KIF16B: variants seen among roughly 807,000 people sequenced by gnomAD.
KIF16B encodes the protein kinesin family member 16B.
In KIF16B, 98 loss-of-function variants were observed where a neutral mutation model predicts 156.3. That is an observed-to-expected ratio of 0.63 (90% CI 0.53 to 0.74). The LOEUF (loss-of-function observed/expected upper bound fraction) is 0.74. KIF16B is among the 30% of genes least tolerant of loss of function. The pLI is 0.00. For synonymous variants in KIF16B, 564 were observed against 583.7 expected (o/e 0.97, Z 0.49); for missense variants, 1,421 against 1,606.5 (o/e 0.88, Z 1.97).
rs1174715066 is a variant in KIF16B at position 16,411,222 on chromosome 20, CA to C, written c.1613-4767del. Among the ~76,000 whole-genome samples, 13 of 152,252 alleles carry C rather than the reference CA, an allele frequency of 8.5e-5. No homozygotes were observed. In the East Asian group the frequency reaches 2.5e-3, roughly 29 times the overall value. On this transcript the variant is annotated intron_variant, in intron 15 of 25. Coordinates refer to ENST00000354981, the MANE Select transcript of KIF16B (RefSeq NM_024704.5). ...TCATGATCAGCTTCCCATTAAGTGG[CA>C]AGTATTCACTGTGACACTGATGGGA...
intron 1 of KIF16B, among the ~76,000 whole-genome samples, chr20:16,553,905 G>A (rs1007498708): frequency 6.6e-6 from 1 of 152,212 alleles, no homozygotes; most frequent in Admixed American, 6.5e-5. Flanking sequence ...CCAGCCAGGT[G>A]TGCGCACACT....
chr20:16,304,824 T>C (rs1478965142), intron 25 of KIF16B, among the ~76,000 whole-genome samples: 1 of 152,190 alleles, frequency 6.6e-6, no homozygotes, highest in Non-Finnish European at 1.5e-5. Flanking sequence ...TAAAAATGTC[T>C]AAACCAAATA....
chr20:16,378,779 G>A (rs375817906), intron 19 of KIF16B, 26 bp downstream of exon 19: 157 of 1,564,756 alleles, frequency 1.0e-4, no homozygotes, highest in Non-Finnish European at 1.3e-4. Context: ...CCCACTGTAT[G>A]CCACACCCTT....
chr20:16,443,803 A>G (rs1187640406), intron 12 of KIF16B, among the ~76,000 whole-genome samples: 1 of 152,230 alleles, frequency 6.6e-6, no homozygotes, highest in Admixed American at 6.5e-5. Flanking sequence ...AAAATAAGGA[A>G]TATAATCCAT....
chr20:16,328,854 A>G (rs569685089), intron 24 of KIF16B, among the ~76,000 whole-genome samples: 1 of 152,198 alleles, frequency 6.6e-6, no homozygotes, highest in South Asian at 2.1e-4. Flanking sequence ...AATCCCATTT[A>G]TGAGGGTCTC....
At chr20:16,477,268 C>A (rs999364267) in intron 12 of KIF16B, among the ~76,000 whole-genome samples, 2 of 149,230 alleles carry the variant, frequency 1.3e-5, no homozygotes, top group African/African-American at 5.0e-5. Context: ...TTCCTGGGCT[C>A]CTTGTTCTAA....
intron 24 of KIF16B, among the ~76,000 whole-genome samples, chr20:16,332,684 A>G (rs1440920172): frequency 6.6e-6 from 1 of 152,218 alleles, no homozygotes; most frequent in East Asian, 1.9e-4. Context: ...GCCTATGAAT[A>G]GAAATGGTCT....
chr20:16,412,327 C>A (rs2065977665), intron 15 of KIF16B, among the ~76,000 whole-genome samples: 2 of 151,944 alleles, frequency 1.3e-5, no homozygotes, highest in South Asian at 4.2e-4. Flanking sequence ...CTGAGGAATG[C>A]AGAAGAGGTA....
intron 12 of KIF16B, among the ~76,000 whole-genome samples, chr20:16,442,525 A>G (rs1353455896): frequency 6.6e-6 from 1 of 152,030 alleles, no homozygotes; most frequent in Non-Finnish European, 1.5e-5. Flanking sequence ...CGGAACTTGT[A>G]ATGGTGTCTT....
At chr20:16,413,393 G>T (rs894933609) in intron 15 of KIF16B, among the ~76,000 whole-genome samples, 1 of 152,030 alleles carries the variant, frequency 6.6e-6, no homozygotes, top group Non-Finnish European at 1.5e-5. Context: ...GATTCCTAAG[G>T]AATGCAGGGA....
chr20:16,440,158 A>G (rs377072567), intron 12 of KIF16B, among the ~76,000 whole-genome samples: 2 of 152,256 alleles, frequency 1.3e-5, no homozygotes, highest in Middle Eastern at 3.4e-3. Context: ...CAAGATGTCA[A>G]TCCCAGAGAA....
intron 6 of KIF16B, 24 bp downstream of exon 6, chr20:16,511,394 T>C: frequency 1.6e-6 from 2 of 1,225,062 alleles, no homozygotes; most frequent in Non-Finnish European, 2.3e-6. Context: ...AAAAAGAATA[T>C]GGCTGTGAAA....
intron 19 of KIF16B, among the ~76,000 whole-genome samples, chr20:16,375,205 C>T (rs1286768537): frequency 6.6e-6 from 1 of 152,162 alleles, no homozygotes; most frequent in Non-Finnish European, 1.5e-5. Flanking sequence ...TGAATTTGGC[C>T]CCAGGAAGCA....
At chr20:16,539,729 T>A (rs1248600260) in intron 1 of KIF16B, among the ~76,000 whole-genome samples, 1 of 152,208 alleles carries the variant, frequency 6.6e-6, no homozygotes, top group Non-Finnish European at 1.5e-5. Context: ...CAGTCTCAGG[T>A]ATTTCTTTAT....
At chr20:16,499,778 A>C (rs941034098) in intron 10 of KIF16B, among the ~76,000 whole-genome samples, 1 of 152,116 alleles carries the variant, frequency 6.6e-6, no homozygotes, top group Admixed American at 6.6e-5. Flanking sequence ...CATGACCAGC[A>C]CCCCTTCTGG....
At position 16,573,397 on chromosome 20, in the gene KIF16B, C is replaced by G; in HGVS notation, c.-122G>C. On this transcript the variant is annotated 5_prime_UTR_variant, in exon 1 of 26. Coordinates refer to ENST00000354981, the MANE Select transcript of KIF16B (RefSeq NM_024704.5). Reference sequence around the variant, plus strand: ...CCCTCTCGCCCCCGCCCCTCTGCTCCCGGCCGGACCTGGAGTTCCGCGGCA... The same window carrying G: ...CCCTCTCGCCCCCGCCCCTCTGCTCGCGGCCGGACCTGGAGTTCCGCGGCA... 1.8e-6 allele frequency: 2 copies of G among 1,106,820 alleles called. 1 individual carries two copies. Among genetic ancestry groups the G allele is most frequent in the South Asian group, 3.0e-5 (2 of 67,460 alleles). The allele number at this position is 1,106,820 out of a possible 1,614,324, so 68.6% of individuals were successfully genotyped here. A position where few individuals can be genotyped will look rare whatever the true frequency, so the allele number is the denominator to read the frequency against.
intron 23 of KIF16B, among the ~76,000 whole-genome samples, chr20:16,347,296 T>C (rs2064251967): frequency 6.6e-6 from 1 of 152,200 alleles, no homozygotes; most frequent in Non-Finnish European, 1.5e-5. Flanking sequence ...AATTTTATTC[T>C]AGGAAGAGAT....
intron 22 of KIF16B, among the ~76,000 whole-genome samples, chr20:16,365,068 T>G (rs35192414): frequency 0.033 from 4,963 of 152,320 alleles, 79 homozygotes; most frequent in African/African-American, 0.042. Context: ...ATCTTAAAAT[T>G]TATTCCCTCT....
At chr20:16,553,142 C>T (rs1027328058) in intron 1 of KIF16B, among the ~76,000 whole-genome samples, 9 of 152,308 alleles carry the variant, frequency 5.9e-5, no homozygotes, top group Admixed American at 2.6e-4. Flanking sequence ...TCAGCCATTT[C>T]GTGAGACTTT....
Sources: allele counts gnomAD v4.1 joint callset (sites outside exome capture counted in the v4.1 genomes callset), GRCh38; gene constraint gnomAD v4.1.1; transcripts MANE v1.5; gene names NCBI Gene and HGNC (gene_info 2026-07-23, HGNC 2026-07-21).